The following MNS1 variants were observed in gnomAD, a reference collection of about 807,000 sequenced individuals.
The protein encoded by MNS1 is meiosis-specific nuclear structural protein 1.
MNS1 carries 63 observed loss-of-function variants against 72.0 expected under a neutral mutation model. That is an observed-to-expected ratio of 0.87 (90% CI 0.71 to 1.08). The LOEUF (loss-of-function observed/expected upper bound fraction) is 1.08, where lower values mean the gene tolerates loss of function less well. Ranked by LOEUF, MNS1 falls within the 50% of genes least tolerant of loss-of-function variation. The pLI is 0.00. For synonymous variants in MNS1, 188 were observed against 172.1 expected (o/e 1.09, Z -0.72); for missense variants, 604 against 562.4 (o/e 1.07, Z -0.75).
Position 56,444,451 on chromosome 15 carries a change from C to G in MNS1, c.679G>C (p.Asp227His), listed in dbSNP as rs762125964. The change falls in exon 5 of 10, where the codon GAT becomes CAT. Residue 227 changes from aspartate to histidine, a missense_variant. Transcript: ENST00000260453. ...AAGTTAGGATAAACTTACAACTGAT[C>G]TTCTTCATAGATCTTCCTAACAATT... The part of the protein sequence containing the change: ...DEIVRKIYEE[D>H]QLEKQQKLEK... 2.5e-6 allele frequency: 4 copies of G among 1,604,552 alleles called. No individual in the cohort carries two copies. Among genetic ancestry groups the G allele is most frequent in the Middle Eastern group, 3.4e-4 (2 of 5,888 alleles).
chr15:56,460,846 A>G (rs2051015765), intron 2 of MNS1, among the ~76,000 whole-genome samples: 1 of 152,144 alleles, frequency 6.6e-6, no homozygotes, highest in Non-Finnish European at 1.5e-5. Context: ...TATAAGAGAG[A>G]AATTTTGTAT....
chr15:56,437,300 G>T (rs1439908176), intron 7 of MNS1, among the ~76,000 whole-genome samples: 1 of 152,130 alleles, frequency 6.6e-6, no homozygotes, highest in African/African-American at 2.4e-5. Flanking sequence ...GGAAGGCAAG[G>T]CTATTTCAAC....
chr15:56,449,061 A>G (rs2050929044), intron 3 of MNS1, among the ~76,000 whole-genome samples: 1 of 152,126 alleles, frequency 6.6e-6, no homozygotes, highest in African/African-American at 2.4e-5. Context: ...GGCTATTTGT[A>G]GATGCTTTTG....
intron 2 of MNS1, among the ~76,000 whole-genome samples, chr15:56,457,476 G>C (rs1208670259): frequency 6.6e-6 from 1 of 152,178 alleles, no homozygotes; most frequent in Admixed American, 6.5e-5. Context: ...ATTGCTGTGT[G>C]GGAATGTAAA....
chr15:56,451,351 G>A (rs1348032710), intron 3 of MNS1, among the ~76,000 whole-genome samples: 8 of 152,182 alleles, frequency 5.3e-5, no homozygotes, highest in Admixed American at 2.0e-4. Context: ...ATGAGGAAAG[G>A]GCAAGTGAAG....
chr15:56,432,914 C>G (rs954641701), intron 8 of MNS1, among the ~76,000 whole-genome samples: 26 of 152,118 alleles, frequency 1.7e-4, no homozygotes, highest in Non-Finnish European at 3.5e-4. Context: ...CTCTTCCTAC[C>G]GATTTTCAAA....
At chr15:56,460,007 A>ATATATATATAT (rs1555449663) in intron 2 of MNS1, among the ~76,000 whole-genome samples, 3 of 27,608 alleles carry the variant, frequency 1.1e-4, no homozygotes, top group African/African-American at 2.7e-4. Flanking sequence ...AAAAAAAAAA[A>ATATATATATAT]AAATACATAT....
intron 3 of MNS1, among the ~76,000 whole-genome samples, chr15:56,453,301 T>C (rs907698117): frequency 7.2e-5 from 11 of 152,204 alleles, no homozygotes; most frequent in Admixed American, 1.3e-4. Flanking sequence ...TGGGATCATT[T>C]TTCTTCTTCT....
chr15:56,457,816 A>T (rs1256678251), intron 2 of MNS1, among the ~76,000 whole-genome samples: 1 of 143,142 alleles, frequency 7.0e-6, no homozygotes, highest in Non-Finnish European at 1.5e-5. Flanking sequence ...CCTGTCTCTT[A>T]AAAAAAAAAA....
At chr15:56,429,337 C>G in intron 9 of MNS1, 144 bp from the exon 10 acceptor site, 1 of 578,344 alleles carries the variant, frequency 1.7e-6, no homozygotes, top group Non-Finnish European at 2.9e-6. Flanking sequence ...TTAAAAAAAT[C>G]AATACTTTTC....
intron 8 of MNS1, among the ~76,000 whole-genome samples, chr15:56,433,082 C>A (rs1191409710): frequency 3.9e-5 from 6 of 152,124 alleles, no homozygotes; most frequent in African/African-American, 1.4e-4. Flanking sequence ...AACTAGTAAT[C>A]TTCCCCTGGG....
At chr15:56,451,878 AT>A (rs113523896) in intron 3 of MNS1, among the ~76,000 whole-genome samples, 16 of 151,816 alleles carry the variant, frequency 1.1e-4, no homozygotes, top group East Asian at 1.9e-4. Flanking sequence ...GATTGCCTAG[AT>A]TTTTTTTTAT....
chr15:56,444,132 T>C (rs1201852897), intron 5 of MNS1, among the ~76,000 whole-genome samples: 1 of 152,076 alleles, frequency 6.6e-6, no homozygotes, highest in Non-Finnish European at 1.5e-5. Context: ...CAGCACTCTA[T>C]ACTTAAGCTG....
In MNS1 at chr15:56,428,927, T is replaced by C. The variant is rs1287513882; in HGVS notation, c.*174A>G. 1.8e-6 allele frequency: 1 copy of C among 540,824 alleles called. No individual in the cohort carries two copies. The highest frequency in any genetic ancestry group is 3.2e-6 in the Non-Finnish European group (1 of 311,086). 33.5% of individuals were successfully genotyped at this position (540,824 alleles called of 1,614,324 possible). On this transcript the variant is annotated 3_prime_UTR_variant, in exon 10 of 10. Coordinates refer to ENST00000260453, the MANE Select transcript of MNS1 (RefSeq NM_018365.4). Reference sequence around the variant, plus strand: ...AATTATCAGTACAAAAATAACAGCTTGATTAAAATTAATTTGTATCTGATA... The same window carrying C: ...AATTATCAGTACAAAAATAACAGCTCGATTAAAATTAATTTGTATCTGATA...
At chr15:56,439,122 T>A (rs915653658) in intron 7 of MNS1, among the ~76,000 whole-genome samples, 5 of 152,080 alleles carry the variant, frequency 3.3e-5, no homozygotes, top group African/African-American at 1.2e-4. Flanking sequence ...CACAAAAATA[T>A]CAATTCACTA....
rs575739259 is a variant in MNS1 at position 56,458,461 on chromosome 15, A to G, written c.226-1940T>C. Among the ~76,000 whole-genome samples, 48 of 152,070 alleles carry G rather than the reference A, an allele frequency of 3.2e-4. 1 individual carries two copies. In the South Asian group the frequency reaches 9.6e-3, roughly 30 times the overall value. ...ACCTGTATTTACATTACTTAAACCTATGCATCATTATCACGCAAAGTCCAT... is the reference window on the plus strand; with the variant it reads ...ACCTGTATTTACATTACTTAAACCTGTGCATCATTATCACGCAAAGTCCAT... On this transcript the variant is annotated intron_variant, in intron 2 of 9. Coordinates refer to ENST00000260453, the MANE Select transcript of MNS1 (RefSeq NM_018365.4).
In MNS1 at chr15:56,434,403, A is replaced by G; in HGVS notation, c.1012-8T>C. 5 of 1,602,520 alleles carry G rather than the reference A, an allele frequency of 3.1e-6. No individual in the cohort carries two copies. Among genetic ancestry groups the G allele is most frequent in the Admixed American group, 1.7e-5 (1 of 59,012 alleles). On this transcript the variant is annotated splice_region_variant and splice_polypyrimidine_tract_variant and intron_variant, in intron 7 of 9. Transcript: ENST00000260453. ...TTTCTTTTCTGCTTCTTCCTAAACAATACAGCTGAAAGTTAATTTAGTAAC... is the reference window on the plus strand; with the variant it reads ...TTTCTTTTCTGCTTCTTCCTAAACAGTACAGCTGAAAGTTAATTTAGTAAC...
At chr15:56,432,140 A>C (rs1296032074) in intron 8 of MNS1, among the ~76,000 whole-genome samples, 18 of 152,184 alleles carry the variant, frequency 1.2e-4, no homozygotes, top group African/African-American at 4.3e-4. Flanking sequence ...AAAGTTCTGT[A>C]ATGTTACAGG....
Position 56,456,477 on chromosome 15 carries a change from T to A in MNS1, c.270A>T (p.Glu90Asp), listed in dbSNP as rs1461042679. 1.2e-6 allele frequency: 2 copies of A among 1,612,458 alleles called. No homozygotes were observed. The highest frequency in any genetic ancestry group is 2.7e-5 in the African/African-American group (2 of 74,850). The change falls in exon 3 of 10, where the codon GAA (glutamate) becomes GAT (aspartate). Residue 90 changes from glutamate (E) to aspartate (D), a missense_variant. By Grantham distance (45) the Glu-to-Asp change is conservative. Coordinates refer to ENST00000260453, the MANE Select transcript of MNS1 (RefSeq NM_018365.4). ...KRLKELQLKQ[E>D]EKLAMELAKL... Reference sequence around the variant, plus strand: ...TTGCCAATTCCATAGCCAGTTTTTCTTCTTGTTTGAGCTGGAGTTCTTTCA... The same window carrying A: ...TTGCCAATTCCATAGCCAGTTTTTCATCTTGTTTGAGCTGGAGTTCTTTCA...
Sources: allele counts gnomAD v4.1 joint callset (sites outside exome capture counted in the v4.1 genomes callset), GRCh38; gene constraint gnomAD v4.1.1; transcripts MANE v1.5; gene names NCBI Gene and HGNC (gene_info 2026-07-23, HGNC 2026-07-21).